Variants in CNGB3 observed in about 807,000 individuals in gnomAD.
The protein encoded by CNGB3 is cyclic nucleotide-gated channel beta-3.
In CNGB3, 86 loss-of-function variants were observed where a neutral mutation model predicts 92.8. That is an observed-to-expected ratio of 0.93 (90% CI 0.78 to 1.11). The LOEUF is 1.11. CNGB3 is among the 50% of genes least tolerant of loss of function. The pLI, the probability that CNGB3 is intolerant of heterozygous loss-of-function variation, is 0.00. For missense variants in CNGB3, 1,026 were observed against 956.8 expected (o/e 1.07, Z -0.95); for synonymous variants, 333 against 332.7 (o/e 1.00, Z -0.01).
Position 86,643,774 on chromosome 8 carries a change from C to G in CNGB3, c.1155G>C (p.Trp385Cys). The change falls in exon 10 of 18, where the codon TGG (tryptophan) becomes TGC (cysteine). Residue 385 changes from tryptophan to cysteine, a missense_variant. Coordinates refer to ENST00000320005, the MANE Select transcript of CNGB3 (RefSeq NM_019098.5). ...SNYEGIGTTR[W>C]VYDGEGNEYL... Reference sequence around the variant, plus strand: ...ACTCGTTTCCTTCCCCATCATACACCCATCTAGTAGTGCCAATTCCTTCAT... The same window carrying G: ...ACTCGTTTCCTTCCCCATCATACACGCATCTAGTAGTGCCAATTCCTTCAT... 1.9e-6 allele frequency: 3 copies of G among 1,605,338 alleles called. No individual in the cohort carries two copies. The African/African-American group carries it at 4.1e-5, about 22-fold the overall frequency.
intron 3 of CNGB3, among the ~76,000 whole-genome samples, chr8:86,696,461 A>G (rs1316437916): frequency 6.6e-6 from 1 of 152,140 alleles, no homozygotes; most frequent in Non-Finnish European, 1.5e-5. Context: ...ATCTGCAGTG[A>G]CAAGCCACTT....
At chr8:86,729,634 T>TA (rs1825125980) in intron 2 of CNGB3, among the ~76,000 whole-genome samples, 1 of 152,152 alleles carries the variant, frequency 6.6e-6, no homozygotes, top group Admixed American at 6.5e-5. Flanking sequence ...AACAACAACT[T>TA]AAAAAACCCA....
chr8:86,712,976 A>G (rs1043310472), intron 3 of CNGB3, among the ~76,000 whole-genome samples: 1 of 152,060 alleles, frequency 6.6e-6, no homozygotes, highest in Non-Finnish European at 1.5e-5. Flanking sequence ...AAGAAAAGAA[A>G]AAAAGGAGAG....
At chr8:86,659,185 C>T (rs1823579843) in intron 6 of CNGB3, 6 of 711,588 alleles carry the variant, frequency 8.4e-6, no homozygotes, top group African/African-American at 5.2e-5. Flanking sequence ...TGCACCTGCT[C>T]TGACATCGGC....
At chr8:86,626,816 C>T (rs771590306) in intron 12 of CNGB3, among the ~76,000 whole-genome samples, 9 of 151,988 alleles carry the variant, frequency 5.9e-5, no homozygotes, top group Middle Eastern at 3.4e-3. Context: ...TAAAATGTTC[C>T]GTAAACAAAA....
chr8:86,706,347 A>C (rs1015947205), intron 3 of CNGB3, among the ~76,000 whole-genome samples: 1 of 152,208 alleles, frequency 6.6e-6, no homozygotes, highest in African/African-American at 2.4e-5. Context: ...GTTCCTTTCA[A>C]AACACATGTT....
In CNGB3 at chr8:86,650,053, C is replaced by T. The variant is rs144394978; in HGVS notation, c.904-2166G>A. On this transcript the variant is annotated intron_variant, in intron 7 of 17. Coordinates refer to ENST00000320005, the MANE Select transcript of CNGB3 (RefSeq NM_019098.5). The stretch of plus-strand genomic sequence containing the variant: ...AAAAAACATGAAAAAAATGCCCCCC[C>T]GCCCAAATTGCATCATATCATCAAA... 9.2e-3 allele frequency among the ~76,000 whole-genome samples: 1,389 copies of T among 151,272 alleles called. 19 individuals are homozygous for T. Among genetic ancestry groups the T allele is most frequent in the African/African-American group, 0.032 (1,316 of 41,396 alleles).
intron 2 of CNGB3, 35 bp downstream of exon 2, chr8:86,739,620 G>GTTTTTTTTTTTTTTT: frequency 1.4e-5 from 21 of 1,489,154 alleles, no homozygotes; most frequent in Admixed American, 5.9e-5. Flanking sequence ...TCACTTTTTA[G>GTTTTTTTTTTTTTTT]TTTTTTTTTT....
rs752920111 is a variant in CNGB3 at position 86,667,097 on chromosome 8, A to G, written c.680T>C (p.Leu227Pro). 6 of 1,613,930 alleles carry G rather than the reference A, an allele frequency of 3.7e-6. No homozygotes were observed. In the East Asian group the frequency reaches 1.1e-4, roughly 30 times the overall value. Reference sequence around the variant, plus strand: ...AAAACAGCAGTTCCAGTTATAGGCAAGAGTGACAAGCAAGAGCCACAGGAG... The same window carrying G: ...AAAACAGCAGTTCCAGTTATAGGCAGGAGTGACAAGCAAGAGCCACAGGAG... ...LYLLWLLLVT[L>P]AYNWNCCFIP... Residue 227 changes from leucine (L) to proline (P), a missense_variant, in exon 6 of 18, where the codon CTT becomes CCT. Leu to Pro is a moderately conservative substitution (Grantham distance 98). Coordinates refer to ENST00000320005, the MANE Select transcript of CNGB3 (RefSeq NM_019098.5).
Position 86,743,481 on chromosome 8 carries a change from G to A in CNGB3, c.129+18C>T, listed in dbSNP as rs775183126. The A allele has an allele frequency of 1.9e-6, 3 of 1,613,838 alleles. No individual in the cohort carries two copies. The South Asian group carries it at 3.3e-5, about 18-fold the overall frequency. ...AATGATGAAAATCAAGGCTTGCATA[G>A]GAATGTAGAGGACATACCTGTGCTG... On this transcript the variant is annotated intron_variant, in intron 1 of 17. Transcript: ENST00000320005.
chr8:86,680,971 C>A (rs752235734), intron 3 of CNGB3, among the ~76,000 whole-genome samples: 1 of 151,996 alleles, frequency 6.6e-6, no homozygotes, highest in South Asian at 2.1e-4. Context: ...TGCTTCTATC[C>A]CCAAGGTAAA....
chr8:86,684,477 C>T (rs972197536), intron 3 of CNGB3, among the ~76,000 whole-genome samples: 1 of 152,032 alleles, frequency 6.6e-6, no homozygotes, highest in Non-Finnish European at 1.5e-5. Flanking sequence ...CATATGACCC[C>T]TATAATTGTA....
intron 6 of CNGB3, among the ~76,000 whole-genome samples, chr8:86,662,754 C>CTTGT (rs1287619783): frequency 5.9e-5 from 9 of 152,146 alleles, no homozygotes; most frequent in African/African-American, 2.2e-4. Flanking sequence ...GGGCTCTGAC[C>CTTGT]TTGTGGAGGA....
chr8:86,592,057 A>G (rs1822055453), intron 15 of CNGB3, among the ~76,000 whole-genome samples: 1 of 152,238 alleles, frequency 6.6e-6, no homozygotes, highest in African/African-American at 2.4e-5. Context: ...CTGTTTTTTA[A>G]GCCCGTCGGA....
chr8:86,689,021 C>CT (rs56138081), intron 3 of CNGB3, among the ~76,000 whole-genome samples: 208 of 148,162 alleles, frequency 1.4e-3, no homozygotes, highest in African/African-American at 4.9e-3. Context: ...TTTTTAAATT[C>CT]TTTTTTTTTT....
chr8:86,644,547 C>A, intron 9 of CNGB3, 75 bp downstream of exon 9: 1 of 1,562,324 alleles, frequency 6.4e-7, no homozygotes, highest in Non-Finnish European at 8.7e-7. Context: ...GGGGTCATAT[C>A]CCTGCCAAAT....
At chr8:86,670,233 C>A (rs543200669) in intron 4 of CNGB3, among the ~76,000 whole-genome samples, 1 of 152,130 alleles carries the variant, frequency 6.6e-6, no homozygotes, top group Admixed American at 6.6e-5. Context: ...TGTTGATGTC[C>A]TTTGCTCTCT....
Position 86,575,320 on chromosome 8 carries a change from G to T in CNGB3, c.*484C>A, listed in dbSNP as rs1435798174. 6.6e-6 allele frequency: 1 copy of T among 152,470 alleles called. No homozygotes were observed. The highest frequency in any genetic ancestry group is 1.5e-5 in the Non-Finnish European group (1 of 68,290). The allele number at this position is 152,470 out of a possible 1,614,324, so 9.4% of individuals were successfully genotyped here. A position where few individuals can be genotyped will look rare whatever the true frequency, so the allele number is the denominator to read the frequency against. On this transcript the variant is annotated 3_prime_UTR_variant, in exon 18 of 18. Transcript: ENST00000320005. ...AGTGACTCATCATCCTCATTTGAAT[G>T]AAAATAATCTGATTTTTGACCTATT... is the stretch of plus-strand genomic sequence containing the variant.
At chr8:86,664,578 T>G (rs1227721794) in intron 6 of CNGB3, among the ~76,000 whole-genome samples, 1 of 152,126 alleles carries the variant, frequency 6.6e-6, no homozygotes, top group African/African-American at 2.4e-5. Context: ...TGAAAACACA[T>G]TTTTCTGTTT....
Sources: gnomAD v4.1 joint callset for allele counts (sites outside exome capture counted in the v4.1 genomes callset) on GRCh38, gnomAD v4.1.1 for gene constraint, MANE v1.5 for transcripts, NCBI Gene and HGNC (gene_info 2026-07-23, HGNC 2026-07-21) for gene names.